Variants in ATP11A observed in about 807,000 individuals in gnomAD.
ATP11A encodes the protein ATPase phospholipid transporting 11A, also known as phospholipid-transporting ATPase IH.
A neutral mutation model predicts 154.4 loss-of-function variants in ATP11A; 81 were observed. That is an observed-to-expected ratio of 0.52 (90% confidence interval 0.44 to 0.63). ATP11A has a LOEUF of 0.63. Ranked by LOEUF, ATP11A falls within the 30% of genes least tolerant of loss-of-function variation. The pLI, the probability that ATP11A is intolerant of heterozygous loss-of-function variation, is 0.00. For synonymous variants in ATP11A, 623 were observed against 585.9 expected (o/e 1.06, Z -0.91); for missense variants, 1,316 against 1,474.3 (o/e 0.89, Z 1.76).
chr13:112,786,880 T>C (rs1367589641), intron 2 of ATP11A, among the ~76,000 whole-genome samples: 1 of 152,164 alleles, frequency 6.6e-6, no homozygotes, highest in African/African-American at 2.4e-5. Context: ...AGTGTCCTGA[T>C]GTGTAGACCC....
chr13:112,716,451 CTGGGGGCCTG>C, intron 1 of ATP11A, among the ~76,000 whole-genome samples: 1 of 152,062 alleles, frequency 6.6e-6, no homozygotes, highest in South Asian at 2.1e-4. Context: ...TGTGGTGGCT[CTGGGGGCCTG>C]TGGGGGCCAC....
chr13:112,789,996 A>C (rs149789537), intron 2 of ATP11A, among the ~76,000 whole-genome samples: 2 of 150,320 alleles, frequency 1.3e-5, no homozygotes, highest in Admixed American at 6.6e-5. Flanking sequence ...CCCTGTGTAG[A>C]TCTACTTAAT....
At chr13:112,869,900 A>T (rs919259841) in intron 25 of ATP11A, among the ~76,000 whole-genome samples, 1 of 152,188 alleles carries the variant, frequency 6.6e-6, no homozygotes. Context: ...CAGGCTTCTC[A>T]CCCGGGCTCT....
intron 1 of ATP11A, among the ~76,000 whole-genome samples, chr13:112,713,390 G>C (rs1275124275): frequency 6.6e-6 from 1 of 152,012 alleles, no homozygotes; most frequent in African/African-American, 2.4e-5. Flanking sequence ...GCAAGACTCC[G>C]TCTCTAAAAA....
Position 112,832,858 on chromosome 13 carries a change from A to G in ATP11A, c.1396-2A>G, listed in dbSNP as rs745668469. The G allele has an allele frequency of 1.2e-6, 2 of 1,610,844 alleles. No individual in the cohort carries two copies. The highest frequency in any genetic ancestry group is 1.7e-6 in the Non-Finnish European group (2 of 1,177,812). The stretch of plus-strand genomic sequence containing the variant: ...GGGGTTCTGGGAACTGCTTTTTTAT[A>G]GGAGCGCGAGGAGCTGTTTTTCCGG... On this transcript the variant is annotated splice_acceptor_variant, in intron 13 of 29. Transcript: ENST00000375645. LOFTEE classifies it high-confidence loss of function.
intron 1 of ATP11A, among the ~76,000 whole-genome samples, chr13:112,716,716 G>A (rs549334027): frequency 6.6e-6 from 1 of 152,210 alleles, no homozygotes; most frequent in Non-Finnish European, 1.5e-5. Context: ...TTCCTCCCCA[G>A]GTCTCAGCCA....
intron 6 of ATP11A, among the ~76,000 whole-genome samples, chr13:112,816,990 G>A (rs282581): frequency 1.0e-3 from 157 of 152,310 alleles, no homozygotes; most frequent in African/African-American, 3.6e-3. Context: ...TTTTGTGAAT[G>A]TATCTTAGTC....
At chr13:112,858,009 A>T (rs1566580223) in intron 21 of ATP11A, 89 bp downstream of exon 21, 2 of 1,568,114 alleles carry the variant, frequency 1.3e-6, no homozygotes, top group Non-Finnish European at 1.8e-6. Context: ...AGGTGCATTC[A>T]GGACACCCCC....
intron 16 of ATP11A, among the ~76,000 whole-genome samples, chr13:112,836,801 G>C (rs1566551241): frequency 6.6e-6 from 1 of 152,246 alleles, no homozygotes; most frequent in African/African-American, 2.4e-5. Flanking sequence ...TCAGAGCCCT[G>C]TGGCCGCCAT....
intron 1 of ATP11A, among the ~76,000 whole-genome samples, chr13:112,738,501 C>G (rs1566406410): frequency 1.3e-5 from 2 of 152,212 alleles, no homozygotes; most frequent in Non-Finnish European, 2.9e-5. Context: ...ATAGGAAAAG[C>G]AATGTGAGCT....
rs115612420 is a variant in ATP11A, at chr13:112,702,583, G to A, written c.39+12128G>A. 9.7e-3 allele frequency among the ~76,000 whole-genome samples: 1,473 copies of A among 152,352 alleles called. 34 individuals carry two copies. The highest frequency in any genetic ancestry group is 0.034 in the African/African-American group (1,413 of 41,588). On this transcript the variant is annotated intron_variant, in intron 1 of 29. Transcript: ENST00000375645. ...GTCCCTTCTGTCTGCTGTGTTGTGC[G>A]TGCGTCTCTCTGGGTGGCCTTGGCC... is the stretch of plus-strand genomic sequence containing the variant.
At chr13:112,763,034 G>C (rs558714950) in intron 1 of ATP11A, among the ~76,000 whole-genome samples, 2 of 152,248 alleles carry the variant, frequency 1.3e-5, no homozygotes, top group Non-Finnish European at 2.9e-5. Context: ...ACGCAGAAAA[G>C]CGCATCCCTG....
intron 1 of ATP11A, among the ~76,000 whole-genome samples, chr13:112,760,253 A>G (rs2076933691): frequency 6.6e-6 from 1 of 152,224 alleles, no homozygotes; most frequent in African/African-American, 2.4e-5. Flanking sequence ...CAGTTGAGGA[A>G]GGGGCACCTC....
intron 1 of ATP11A, among the ~76,000 whole-genome samples, chr13:112,771,543 C>T (rs1426128789): frequency 3.9e-5 from 6 of 152,146 alleles, no homozygotes; most frequent in African/African-American, 7.2e-5. Context: ...AGGCATACTC[C>T]TTTGGAAACT....
chr13:112,771,376 G>T (rs1267861728), intron 1 of ATP11A, among the ~76,000 whole-genome samples: 1 of 152,236 alleles, frequency 6.6e-6, no homozygotes, highest in Non-Finnish European at 1.5e-5. Context: ...GTGTCTCCTG[G>T]GTTCTGGGAC....
intron 18 of ATP11A, among the ~76,000 whole-genome samples, chr13:112,852,303 C>G (rs1666453835): frequency 6.6e-6 from 1 of 152,232 alleles, no homozygotes; most frequent in Admixed American, 6.5e-5. Context: ...CGGTCCAAAA[C>G]TGAAATCCTT....
At chr13:112,703,825 A>G (rs1364861245) in intron 1 of ATP11A, among the ~76,000 whole-genome samples, 4 of 152,100 alleles carry the variant, frequency 2.6e-5, no homozygotes, top group Non-Finnish European at 5.9e-5. Flanking sequence ...TTGCATTACA[A>G]TCCAAACACA....
chr13:112,756,766 T>A (rs765027654), intron 1 of ATP11A, among the ~76,000 whole-genome samples: 4 of 145,472 alleles, frequency 2.7e-5, no homozygotes, highest in Non-Finnish European at 6.1e-5. Flanking sequence ...TCTGACGATT[T>A]CCACAGCAGC....
intron 11 of ATP11A, among the ~76,000 whole-genome samples, chr13:112,826,446 A>G (rs1006202940): frequency 3.9e-5 from 6 of 152,096 alleles, no homozygotes; most frequent in African/African-American, 1.4e-4. Context: ...TTAACTCGTG[A>G]TTTAATCTCC....
Sources: gnomAD v4.1 joint callset for allele counts (sites outside exome capture counted in the v4.1 genomes callset) on GRCh38, gnomAD v4.1.1 for gene constraint, MANE v1.5 for transcripts, NCBI Gene and HGNC (gene_info 2026-07-23, HGNC 2026-07-21) for gene names.